Variants in USP10 observed in about 807,000 individuals in gnomAD.
USP10 encodes the protein ubiquitin carboxyl-terminal hydrolase 10.
USP10 carries 22 observed loss-of-function variants against 84.5 expected under a neutral mutation model. The observed-to-expected ratio is 0.26, with a 90% CI of 0.19 to 0.37. USP10 has a LOEUF of 0.37. Among genes scored for constraint, USP10 ranks in the 10% least tolerant of loss-of-function variants. USP10 has a pLI of 1.00. For synonymous variants in USP10, 454 were observed against 387.6 expected (o/e 1.17, Z -2.01); for missense variants, 1,019 against 998.9 (o/e 1.02, Z -0.27).
At chr16:84,775,367 C>A in intron 13 of USP10, 142 bp downstream of exon 13, 1 of 737,640 alleles carries the variant, frequency 1.4e-6, no homozygotes, top group South Asian at 1.6e-5. Flanking sequence ...CGGGGAGTCA[C>A]GTGAGAGTTT....
At chr16:84,747,495 C>G (rs8051512) in intron 4 of USP10, among the ~76,000 whole-genome samples, 34,831 of 150,134 alleles carry the variant, frequency 0.23, 4,312 homozygotes, top group East Asian at 0.38. Flanking sequence ...CTTAAATGAG[C>G]AAATGATAGG....
chr16:84,759,497 T>G (rs1336415901), intron 6 of USP10, 25 bp downstream of exon 6: 2 of 1,600,890 alleles, frequency 1.2e-6, no homozygotes, highest in Admixed American at 3.3e-5. Flanking sequence ...GAAAGATGTG[T>G]TAAGTGGTGG....
intron 4 of USP10, among the ~76,000 whole-genome samples, chr16:84,749,851 G>T (rs527905478): frequency 4.0e-4 from 61 of 152,260 alleles, no homozygotes; most frequent in Non-Finnish European, 6.2e-4. Flanking sequence ...CTTCTTGGTG[G>T]CAAGGCCATC....
chr16:84,778,389 GA>G (rs1431002259), intron 13 of USP10, among the ~76,000 whole-genome samples: 1 of 152,004 alleles, frequency 6.6e-6, no homozygotes, highest in Admixed American at 6.6e-5. Context: ...TCTATTCCAC[GA>G]AAAAATAAAT....
At chr16:84,733,146 TCTC>T (rs753805093) in intron 1 of USP10, 3 of 505,952 alleles carry the variant, frequency 5.9e-6, no homozygotes, top group African/African-American at 1.9e-5. Context: ...CCAATAAAAA[TCTC>T]CTGCAAGCAG....
At chr16:84,749,556 A>G (rs1911656763) in intron 4 of USP10, among the ~76,000 whole-genome samples, 2 of 151,406 alleles carry the variant, frequency 1.3e-5, no homozygotes, top group Admixed American at 6.6e-5. Flanking sequence ...CCTGGGCAAC[A>G]TACTGAGACC....
At chr16:84,776,026 T>G (rs1276809711) in intron 13 of USP10, among the ~76,000 whole-genome samples, 1 of 152,222 alleles carries the variant, frequency 6.6e-6, no homozygotes, top group Non-Finnish European at 1.5e-5. Flanking sequence ...TGAACCTGTT[T>G]GTATCGTAAC....
chr16:84,726,314 AGT>A (rs1908471783), intron 1 of USP10, among the ~76,000 whole-genome samples: 1 of 152,254 alleles, frequency 6.6e-6, no homozygotes, highest in East Asian at 1.9e-4. Context: ...AGGTTGTGCA[AGT>A]GAACATTAGA....
chr16:84,728,406 C>T (rs1248976822), intron 1 of USP10, among the ~76,000 whole-genome samples: 1 of 151,024 alleles, frequency 6.6e-6, no homozygotes, highest in Admixed American at 6.6e-5. Context: ...GTGGTGCGAT[C>T]TCGGCTCACT....
At chr16:84,720,795 G>T (rs998565069) in intron 1 of USP10, among the ~76,000 whole-genome samples, 1 of 150,992 alleles carries the variant, frequency 6.6e-6, no homozygotes, top group African/African-American at 2.4e-5. Flanking sequence ...TATTAGCGGG[G>T]ATGGTCTCGA....
chr16:84,743,377 C>T (rs1482424064), intron 3 of USP10, among the ~76,000 whole-genome samples: 1 of 152,156 alleles, frequency 6.6e-6, no homozygotes, highest in Non-Finnish European at 1.5e-5. Context: ...CCTCGGGAGG[C>T]TGTGTAGCTC....
chr16:84,704,984 C>A, intron 1 of USP10: 1 of 1,369,778 alleles, frequency 7.3e-7, no homozygotes, highest in South Asian at 1.3e-5. Context: ...CCAGCACCTG[C>A]TACCGTCTGC....
chr16:84,747,324 A>G (rs1911346578), intron 4 of USP10, among the ~76,000 whole-genome samples: 1 of 152,194 alleles, frequency 6.6e-6, no homozygotes, highest in African/African-American at 2.4e-5. Context: ...CAAGCTGCCA[A>G]ATGCACACCC....
chr16:84,749,286 G>A (rs1911621406), intron 4 of USP10, among the ~76,000 whole-genome samples: 1 of 152,154 alleles, frequency 6.6e-6, no homozygotes. Flanking sequence ...TTAAGTGTAG[G>A]CCCACTTATT....
chr16:84,775,055 G>A, intron 12 of USP10, 105 bp from the exon 13 acceptor site: 1 of 952,582 alleles, frequency 1.0e-6, no homozygotes, highest in East Asian at 2.5e-5. Context: ...TTCCTGGTCT[G>A]ACAGGCAGTT....
chr16:84,703,638 G>T lies in USP10; in HGVS notation c.21+3527G>T, dbSNP rs1006107250. ...GTTTGAAATGTTGACAGGGCATTTG[G>T]AGATAACAGTTTTCCTTTGCATAGT... On this transcript the variant is annotated intron_variant, in intron 1 of 13. Transcript: ENST00000219473. Among the ~76,000 whole-genome samples, 10 of 152,364 alleles carry T rather than the reference G, an allele frequency of 6.6e-5. 1 individual carries two copies. Among genetic ancestry groups the T allele is most frequent in the Admixed American group, 5.2e-4 (8 of 15,298 alleles).
At chr16:84,760,315 C>A in intron 8 of USP10, 40 bp downstream of exon 8, 2 of 1,531,918 alleles carry the variant, frequency 1.3e-6, no homozygotes, top group Admixed American at 1.9e-5. Context: ...CAAGTGTTGC[C>A]TTTTGTTCCA....
intron 1 of USP10, among the ~76,000 whole-genome samples, chr16:84,710,291 T>G (rs1470425024): frequency 6.6e-6 from 1 of 150,550 alleles, no homozygotes; most frequent in East Asian, 1.9e-4. Context: ...AAAAAAAGAT[T>G]GCTGGGTTGA....
Position 84,759,557 on chromosome 16 carries a change from G to C in USP10, c.1394+85G>C. On this transcript the variant is annotated intron_variant, in intron 6 of 13. Coordinates refer to ENST00000219473, the MANE Select transcript of USP10 (RefSeq NM_005153.3). ...ATTGAAATAGTTTAGTAAAGCTCTT[G>C]ATTTCCTGCAAATGAGTCCTATAAT... 3.1e-6 allele frequency: 4 copies of C among 1,275,888 alleles called. No homozygotes were observed. The South Asian group carries it at 4.9e-5, about 16-fold the overall frequency. 79.0% of individuals were successfully genotyped at this position (1,275,888 alleles called of 1,614,324 possible).
Sources: gnomAD v4.1 joint callset for allele counts (sites outside exome capture counted in the v4.1 genomes callset) on GRCh38, gnomAD v4.1.1 for gene constraint, MANE v1.5 for transcripts, NCBI Gene and HGNC (gene_info 2026-07-23, HGNC 2026-07-21) for gene names.